Variants in GRM5 observed in about 807,000 individuals in gnomAD.
The protein encoded by GRM5 is metabotropic glutamate receptor 5.
A neutral mutation model predicts 83.1 loss-of-function variants in GRM5; 19 were observed. The ratio of observed to expected loss-of-function variants is 0.23; its 90% CI spans 0.16 to 0.34. The LOEUF (loss-of-function observed/expected upper bound fraction) is 0.34, where lower values mean the gene tolerates loss of function less well. GRM5 is among the 10% of genes least tolerant of loss of function. GRM5 has a pLI of 1.00. For synonymous variants in GRM5, 675 were observed against 633.6 expected (o/e 1.07, Z -0.98); for missense variants, 1,160 against 1,588.3 (o/e 0.73, Z 4.58).
At chr11:89,033,153 C>T (rs1941302149) in intron 2 of GRM5, among the ~76,000 whole-genome samples, 1 of 151,996 alleles carries the variant, frequency 6.6e-6, no homozygotes, top group Admixed American at 6.6e-5. Context: ...ATTCAATTGA[C>T]CATCATAACA....
chr11:88,860,563 G>T (rs1385567685), intron 2 of GRM5, among the ~76,000 whole-genome samples: 1 of 152,074 alleles, frequency 6.6e-6, no homozygotes, highest in African/African-American at 2.4e-5. Flanking sequence ...CCTCTACAGC[G>T]CAGCCAAAAC....
At chr11:88,950,954 TA>T in intron 2 of GRM5, among the ~76,000 whole-genome samples, 1 of 152,316 alleles carries the variant, frequency 6.6e-6, no homozygotes, top group Admixed American at 6.5e-5. Context: ...ACTCCAGTTT[TA>T]TGAGACCATC....
Position 89,047,185 on chromosome 11 carries a change from T to C in GRM5, c.661+27A>G. ...TAACTGTTGAGTGCATAATAATATA[T>C]ACTCGATGTATGCAAAGGAAACTTA... On this transcript the variant is annotated intron_variant, in intron 2 of 9. Coordinates refer to ENST00000305447, the MANE Select transcript of GRM5 (RefSeq NM_001143831.3). The surrounding 1 kb of genome is among the most constrained non-coding windows in gnomAD (Gnocchi z 5.1). The C allele has an allele frequency of 1.3e-6, 2 of 1,520,346 alleles. No homozygotes were observed. The highest frequency in any genetic ancestry group is 1.8e-6 in the Non-Finnish European group (2 of 1,109,708). The allele number at this position is 1,520,346 out of a possible 1,614,324, so 94.2% of individuals were successfully genotyped here. A position where few individuals can be genotyped will look rare whatever the true frequency, so the allele number is the denominator to read the frequency against.
At position 88,850,061 on chromosome 11, in the gene GRM5, T is replaced by C. The variant is rs200573306; in HGVS notation, c.756A>G (p.Ala252=). ...IAHSYKIYSN[A]GEQSFDKLLK... ...GCAGCTTATCAAAGCTCTGCTCCCC[T>C]GCATTACTGTAGATTTTGTAAGAGT... Residue 252 remains alanine (A), a synonymous_variant, in exon 3 of 10, where the codon GCA becomes GCG. Transcript: ENST00000305447. The C allele has an allele frequency of 8.3e-6, 13 of 1,566,208 alleles. No homozygotes were observed. Among genetic ancestry groups the C allele is most frequent in the Non-Finnish European group, 1.1e-5 (12 of 1,136,392 alleles).
chr11:88,997,942 A>T (rs1940244729), intron 2 of GRM5, among the ~76,000 whole-genome samples: 1 of 152,148 alleles, frequency 6.6e-6, no homozygotes, highest in Admixed American at 6.5e-5. Context: ...AGTACTTCTC[A>T]ATATGCTTTA....
chr11:88,930,221 C>A (rs676289), intron 2 of GRM5, among the ~76,000 whole-genome samples: 69,037 of 151,350 alleles, frequency 0.46, 16,570 homozygotes, highest in African/African-American at 0.59. Flanking sequence ...CCAACCTGAG[C>A]AGCATAGTGA....
chr11:88,606,646 G>T (rs1306412775), intron 4 of GRM5, among the ~76,000 whole-genome samples: 1 of 152,154 alleles, frequency 6.6e-6, no homozygotes, highest in Non-Finnish European at 1.5e-5. Context: ...GACCAATCTG[G>T]CTACATTGTG....
chr11:88,512,298 G>A (rs866252603), intron 9 of GRM5: 3 of 154,298 alleles, frequency 1.9e-5, no homozygotes, highest in Middle Eastern at 5.1e-4. Flanking sequence ...TCTGAATAAC[G>A]TGAAAGTGGA....
chr11:88,659,896 C>CT (rs1939860432), intron 3 of GRM5, among the ~76,000 whole-genome samples: 1 of 151,964 alleles, frequency 6.6e-6, no homozygotes, highest in Non-Finnish European at 1.5e-5. Flanking sequence ...TTTTTTCTTT[C>CT]TTCATTTCCT....
chr11:88,661,194 A>G (rs72639196), intron 3 of GRM5, among the ~76,000 whole-genome samples: 3,174 of 152,290 alleles, frequency 0.021, 89 homozygotes, highest in East Asian at 0.12. Flanking sequence ...TGCTTGTTAT[A>G]ATGCTCAGTA....
chr11:88,594,201 G>C (rs1405884852), intron 6 of GRM5, among the ~76,000 whole-genome samples: 1 of 152,144 alleles, frequency 6.6e-6, no homozygotes, highest in Non-Finnish European at 1.5e-5. Flanking sequence ...TGGAAATTAT[G>C]AATATGGATA....
intron 4 of GRM5, among the ~76,000 whole-genome samples, chr11:88,641,619 C>A (rs1939296379): frequency 1.3e-5 from 2 of 152,160 alleles, no homozygotes. Context: ...GGTAAACATT[C>A]CCATTCCAAA....
chr11:88,927,057 A>G (rs646642), intron 2 of GRM5, among the ~76,000 whole-genome samples: 142,626 of 152,202 alleles, frequency 0.94, 66,916 homozygotes, highest in South Asian at 0.97. Flanking sequence ...TAAAACTTCA[A>G]TGCATGCAAT....
intron 2 of GRM5, among the ~76,000 whole-genome samples, chr11:88,894,442 C>G (rs1236934791): frequency 6.6e-6 from 1 of 152,000 alleles, no homozygotes; most frequent in Non-Finnish European, 1.5e-5. Flanking sequence ...CGATTGACAA[C>G]AAACCCTGGG....
At chr11:89,012,623 TTG>T (rs1940734853) in intron 2 of GRM5, among the ~76,000 whole-genome samples, 1 of 152,204 alleles carries the variant, frequency 6.6e-6, no homozygotes, top group Non-Finnish European at 1.5e-5. Context: ...ACAGAAACCT[TTG>T]ATAGCCAATG....
chr11:88,550,864 C>A (rs1017526173), intron 8 of GRM5, among the ~76,000 whole-genome samples: 1 of 152,154 alleles, frequency 6.6e-6, no homozygotes, highest in South Asian at 2.1e-4. Context: ...TTTCTGGTAG[C>A]TAAGCTAATG....
chr11:88,641,480 C>G (rs1172192700), intron 4 of GRM5, among the ~76,000 whole-genome samples: 3 of 152,096 alleles, frequency 2.0e-5, no homozygotes, highest in Non-Finnish European at 4.4e-5. Context: ...TAACTCATTC[C>G]TGCATCAACC....
chr11:88,893,206 C>G (rs1945177732), intron 2 of GRM5, among the ~76,000 whole-genome samples: 1 of 150,816 alleles, frequency 6.6e-6, no homozygotes, highest in Non-Finnish European at 1.5e-5. Context: ...TCTGCTAGAA[C>G]TTCTTATTGG....
chr11:88,952,079 C>A (rs1386649306), intron 2 of GRM5, among the ~76,000 whole-genome samples: 1 of 151,828 alleles, frequency 6.6e-6, no homozygotes. Flanking sequence ...CAGGTGTCAG[C>A]TCTCAGCAAA....
Sources: allele counts gnomAD v4.1 joint callset (sites outside exome capture counted in the v4.1 genomes callset), GRCh38; gene constraint gnomAD v4.1.1; non-coding constraint Gnocchi (gnomAD v3.1); transcripts MANE v1.5; gene names NCBI Gene and HGNC (gene_info 2026-07-23, HGNC 2026-07-21).